Variants in ADAMTSL1 observed in about 807,000 individuals in gnomAD.
ADAMTSL1 encodes ADAMTS-like protein 1.
In ADAMTSL1, 126 loss-of-function variants were observed where a neutral mutation model predicts 201.8. The observed-to-expected ratio is 0.62, with a 90% CI of 0.54 to 0.72. The LOEUF is 0.72. Ranked by LOEUF, ADAMTSL1 falls within the 30% of genes least tolerant of loss-of-function variation. The pLI, the probability that ADAMTSL1 is intolerant of heterozygous loss-of-function variation, is 0.00. For missense variants in ADAMTSL1, 2,679 were observed against 2,277.8 expected (o/e 1.18, Z -3.59); for synonymous variants, 1,121 against 903.4 (o/e 1.24, Z -4.32).
At chr9:18,202,207 T>C (rs559831867) in intron 2 of ADAMTSL1, among the ~76,000 whole-genome samples, 1 of 152,072 alleles carries the variant, frequency 6.6e-6, no homozygotes, top group East Asian at 1.9e-4. Flanking sequence ...AGAACTGGAG[T>C]AAAATTTTGC....
intron 2 of ADAMTSL1, among the ~76,000 whole-genome samples, chr9:18,440,747 A>C (rs747957214): frequency 3.3e-4 from 50 of 152,124 alleles, no homozygotes; most frequent in African/African-American, 1.0e-3. Context: ...TTTTTCCAGT[A>C]ATTATTACTG....
intron 2 of ADAMTSL1, among the ~76,000 whole-genome samples, chr9:18,314,438 G>T (rs1159889230): frequency 6.6e-6 from 1 of 151,984 alleles, no homozygotes; most frequent in African/African-American, 2.4e-5. Context: ...TTGTGATCTC[G>T]CTGACTTCAG....
At chr9:18,054,739 T>G (rs2026900) in intron 1 of ADAMTSL1, among the ~76,000 whole-genome samples, 2 of 152,224 alleles carry the variant, frequency 1.3e-5, no homozygotes, top group African/African-American at 4.8e-5. Context: ...ATAATATTTT[T>G]TAAACCCTTT....
intron 4 of ADAMTSL1, among the ~76,000 whole-genome samples, chr9:18,574,880 A>G (rs1247029382): frequency 6.6e-6 from 1 of 152,174 alleles, no homozygotes; most frequent in Admixed American, 6.6e-5. Context: ...GTAGGGAATT[A>G]GTAAGGTGAA....
chr9:18,249,798 A>C (rs1831395618), intron 2 of ADAMTSL1, among the ~76,000 whole-genome samples: 1 of 152,154 alleles, frequency 6.6e-6, no homozygotes, highest in South Asian at 2.1e-4. Context: ...ATTGAACTGA[A>C]ATATTTTTTG....
At chr9:18,640,704 G>A (rs1827384337) in intron 7 of ADAMTSL1, among the ~76,000 whole-genome samples, 1 of 151,952 alleles carries the variant, frequency 6.6e-6, no homozygotes, top group Non-Finnish European at 1.5e-5. Flanking sequence ...AGGCAAATCA[G>A]AAACCTTTGA....
intron 14 of ADAMTSL1, among the ~76,000 whole-genome samples, chr9:18,710,944 C>A (rs1832544508): frequency 6.6e-6 from 1 of 151,926 alleles, no homozygotes; most frequent in African/African-American, 2.4e-5. Context: ...AGTACTCGTC[C>A]ACCATTTAAA....
chr9:17,972,296 A>C (rs1286657948), intron 1 of ADAMTSL1, among the ~76,000 whole-genome samples: 3 of 115,684 alleles, frequency 2.6e-5, no homozygotes, highest in African/African-American at 9.4e-5. Context: ...TATATCTCCT[A>C]ATGCTATCCC....
At chr9:18,396,958 T>C (rs1366853648) in intron 2 of ADAMTSL1, among the ~76,000 whole-genome samples, 2 of 152,198 alleles carry the variant, frequency 1.3e-5, no homozygotes, top group Non-Finnish European at 2.9e-5. Context: ...ATATGCACTA[T>C]GCCTCTTTAT....
chr9:18,268,721 T>C (rs533348065), intron 2 of ADAMTSL1, among the ~76,000 whole-genome samples: 6 of 152,182 alleles, frequency 3.9e-5, no homozygotes, highest in Non-Finnish European at 8.8e-5. Context: ...GTGTGGACTT[T>C]AAAAGAAGGA....
intron 1 of ADAMTSL1, among the ~76,000 whole-genome samples, chr9:18,027,938 T>G (rs1419763879): frequency 1.3e-5 from 2 of 152,140 alleles, no homozygotes; most frequent in Non-Finnish European, 2.9e-5. Flanking sequence ...GTCTTATTGT[T>G]GAATTGAACC....
rs533531420 is a variant in ADAMTSL1, at chr9:18,552,215, G to T, written c.237+18923G>T. 5.2e-4 allele frequency among the ~76,000 whole-genome samples: 79 copies of T among 151,574 alleles called. 2 individuals carry two copies. The highest frequency in any genetic ancestry group is 1.9e-3 in the African/African-American group (77 of 41,394). ...GGTGTTTTACATTTCAGACTTTCTT[G>T]TTTTCACAGAAATGTTAAAATAAAT... is the stretch of plus-strand genomic sequence containing the variant. On this transcript the variant is annotated intron_variant, in intron 3 of 28. Transcript: ENST00000380548.
At chr9:18,500,743 A>T (rs1163981809) in intron 1 of ADAMTSL1, among the ~76,000 whole-genome samples, 1 of 152,218 alleles carries the variant, frequency 6.6e-6, no homozygotes, top group African/African-American at 2.4e-5. Flanking sequence ...AGGGTTTTAT[A>T]ATGGCCTTTT....
At chr9:18,557,159 G>A (rs1783906482) in intron 3 of ADAMTSL1, among the ~76,000 whole-genome samples, 2 of 151,994 alleles carry the variant, frequency 1.3e-5, no homozygotes, top group Non-Finnish European at 2.9e-5. Context: ...AACAGTCTGA[G>A]AACTCCTTGC....
intron 1 of ADAMTSL1, among the ~76,000 whole-genome samples, chr9:18,504,092 G>A (rs1027233436): frequency 6.6e-6 from 1 of 151,876 alleles, no homozygotes; most frequent in Non-Finnish European, 1.5e-5. Context: ...TCAAGGACTC[G>A]TAATAAAAAA....
At chr9:18,656,411 C>G (rs1372969097) in intron 7 of ADAMTSL1, among the ~76,000 whole-genome samples, 1 of 151,984 alleles carries the variant, frequency 6.6e-6, no homozygotes, top group Non-Finnish European at 1.5e-5. Context: ...GCGGGCAGAT[C>G]ACGAGGTCAG....
chr9:18,244,550 CT>C (rs2132464010), intron 2 of ADAMTSL1, among the ~76,000 whole-genome samples: 1 of 152,162 alleles, frequency 6.6e-6, no homozygotes, highest in South Asian at 2.1e-4. Context: ...TTGCTTCCTC[CT>C]CTTTACCCAA....
At chr9:18,141,386 T>G (rs903068144) in intron 1 of ADAMTSL1, among the ~76,000 whole-genome samples, 1 of 152,132 alleles carries the variant, frequency 6.6e-6, no homozygotes. Flanking sequence ...ACCAGCAACA[T>G]GCTGTGCTGT....
At chr9:18,785,086 C>T (rs894096493) in intron 19 of ADAMTSL1, among the ~76,000 whole-genome samples, 12 of 151,954 alleles carry the variant, frequency 7.9e-5, no homozygotes, top group Non-Finnish European at 1.5e-4. Flanking sequence ...ATCGCTTGAA[C>T]GCAGGAGGTG....
Sources: gnomAD v4.1 joint callset for allele counts (sites outside exome capture counted in the v4.1 genomes callset) on GRCh38, gnomAD v4.1.1 for gene constraint, MANE v1.5 for transcripts, NCBI Gene and HGNC (gene_info 2026-07-23, HGNC 2026-07-21) for gene names.